Variants in SANBR observed in about 807,000 individuals in gnomAD.
SANBR encodes SANT and BTB domain regulator of CSR.
SANBR carries 77 observed loss-of-function variants against 101.8 expected under a neutral mutation model. That is an observed-to-expected ratio of 0.76 (90% CI 0.63 to 0.91). The LOEUF (loss-of-function observed/expected upper bound fraction) is 0.91. SANBR is among the 40% of genes least tolerant of loss of function. The pLI is 0.00. For synonymous variants in SANBR, 279 were observed against 274.7 expected (o/e 1.02, Z -0.15); for missense variants, 875 against 853.0 (o/e 1.03, Z -0.32).
chr2:61,130,014 A>G (rs187193831), intron 20 of SANBR, among the ~76,000 whole-genome samples: 8 of 152,206 alleles, frequency 5.3e-5, no homozygotes, highest in Non-Finnish European at 8.8e-5. Context: ...ATATTTCTAT[A>G]TCTCTTTGGA....
intron 12 of SANBR, among the ~76,000 whole-genome samples, chr2:61,102,532 T>C (rs1683339296): frequency 6.6e-6 from 1 of 151,840 alleles, no homozygotes; most frequent in South Asian, 2.1e-4. Context: ...CCACAATGAC[T>C]AAATTTTTTT....
Position 61,123,758 on chromosome 2 carries a change from A to C in SANBR, c.*1596A>C. 1.0e-6 allele frequency: 1 copy of C among 985,556 alleles called. No homozygotes were observed. Among genetic ancestry groups the C allele is most frequent in the Non-Finnish European group, 1.2e-6 (1 of 829,924 alleles). The allele number at this position is 985,556 out of a possible 1,614,324, so 61.1% of individuals were successfully genotyped here. On this transcript the variant is annotated 3_prime_UTR_variant, in exon 22 of 22. Transcript: ENST00000402291. ...CCTGGGAGGCCTATACCACTGAATT[A>C]ATTTTTACAAACCAGAGTTTATCAG...
Position 61,077,177 on chromosome 2 carries a change from C to T in SANBR, c.670+19C>T. ...ACTTTAGGTAAAAAACAATCTGTTG[C>T]TTAATTTGTAGTGAAATTTGTGTGT... is the stretch of plus-strand genomic sequence containing the variant. On this transcript the variant is annotated intron_variant, in intron 6 of 21. Coordinates refer to ENST00000402291, the MANE Select transcript of SANBR (RefSeq NM_001129993.3). 6.5e-7 allele frequency: 1 copy of T among 1,528,754 alleles called. No individual in the cohort carries two copies. The highest frequency in any genetic ancestry group is 9.0e-7 in the Non-Finnish European group (1 of 1,105,696). The allele number at this position is 1,528,754 out of a possible 1,614,324, so 94.7% of individuals were successfully genotyped here. A position where few individuals can be genotyped will look rare whatever the true frequency, so the allele number is the denominator to read the frequency against.
chr2:61,106,455 C>A, intron 13 of SANBR, 108 bp from the exon 14 acceptor site: 5 of 592,210 alleles, frequency 8.4e-6, no homozygotes, highest in South Asian at 1.9e-5. Context: ...TACTCAGGAA[C>A]TGTATTTCTA....
At chr2:61,127,790 G>A (rs1201736275), downstream of SANBR, among the ~76,000 whole-genome samples, 5 of 152,256 alleles carry the variant, frequency 3.3e-5, no homozygotes, top group South Asian at 1.0e-3. Flanking sequence ...GGAGAGGAGA[G>A]AGAGAAAGGA....
Position 61,088,471 on chromosome 2 carries a change from G to T in SANBR, c.1088+3G>T. 1 of 1,575,644 alleles carries T rather than the reference G, an allele frequency of 6.3e-7. No individual in the cohort carries two copies. Among genetic ancestry groups the T allele is most frequent in the Non-Finnish European group, 8.7e-7 (1 of 1,154,218 alleles). On this transcript the variant is annotated splice_donor_region_variant and intron_variant, in intron 10 of 21. Coordinates refer to ENST00000402291, the MANE Select transcript of SANBR (RefSeq NM_001129993.3). The stretch of plus-strand genomic sequence containing the variant: ...AATATTGTCTATATTCACATAAGGT[G>T]TCGTGAAGATAAAATACATACATGT...
Position 61,074,433 on chromosome 2 carries a change from A to G in SANBR, c.431+882A>G, listed in dbSNP as rs185864916. 2.6e-3 allele frequency among the ~76,000 whole-genome samples: 390 copies of G among 152,286 alleles called. 1 individual carries two copies. Among genetic ancestry groups the G allele is most frequent in the Non-Finnish European group, 4.4e-3 (297 of 68,026 alleles). On this transcript the variant is annotated intron_variant, in intron 5 of 21. Coordinates refer to ENST00000402291, the MANE Select transcript of SANBR (RefSeq NM_001129993.3). ...GTCTTGGAGGTTTTCTTTTGAGACA[A>G]AGTCTCACGCTGTCACCCAAGCTGG...
In SANBR at chr2:61,092,584, T is replaced by C. The variant is rs138958672; in HGVS notation, c.1209T>C (p.Tyr403=). 1 of 1,578,978 alleles carries C rather than the reference T, an allele frequency of 6.3e-7. No homozygotes were observed. Among genetic ancestry groups the C allele is most frequent in the Non-Finnish European group, 8.6e-7 (1 of 1,168,314 alleles). ...ATTGGCTGACTTGTTCAAGATGTTA[T>C]CAGGTAAGATTTTTTTTTTTAAATA... ...TINWLTCSRC[Y]QAFLCIEFSH... The change falls in exon 11 of 22, where the codon TAT becomes TAC. Residue 403 remains tyrosine, a synonymous_variant. Transcript: ENST00000402291.
At chr2:61,104,326 C>T (rs566371709) in intron 13 of SANBR, among the ~76,000 whole-genome samples, 11 of 151,960 alleles carry the variant, frequency 7.2e-5, no homozygotes, top group Admixed American at 7.2e-4. Context: ...ACTAAAACTA[C>T]AAAAAATTAG....
chr2:61,121,146 A>G, intron 20 of SANBR, 39 bp from the exon 21 acceptor site: 6 of 1,355,076 alleles, frequency 4.4e-6, no homozygotes, highest in Non-Finnish European at 6.2e-6. Context: ...GCTTCTATTG[A>G]TTCTGTGAAG....
chr2:61,097,108 G>A (rs1271063858), intron 11 of SANBR, among the ~76,000 whole-genome samples: 1 of 152,100 alleles, frequency 6.6e-6, no homozygotes, highest in African/African-American at 2.4e-5. Flanking sequence ...GAGGCTAGAT[G>A]GCACCACTTC....
chr2:61,117,969 A>G, intron 19 of SANBR, 59 bp from the exon 20 acceptor site: 1 of 1,289,634 alleles, frequency 7.8e-7, no homozygotes, highest in Non-Finnish European at 1.1e-6. Context: ...CTTTTTGAGA[A>G]ATAAAAAGTT....
At position 61,071,657 on chromosome 2, in the gene SANBR, A is replaced by G; in HGVS notation, c.202A>G (p.Asn68Asp). 1 of 1,590,594 alleles carries G rather than the reference A, an allele frequency of 6.3e-7. No individual in the cohort carries two copies. The highest frequency in any genetic ancestry group is 8.5e-7 in the Non-Finnish European group (1 of 1,172,530). The change falls in exon 4 of 22, where the codon AAC (asparagine) becomes GAC (aspartate). Residue 68 changes from asparagine (N) to aspartate (D), a missense_variant. Transcript: ENST00000402291. ...GAGCAGTGGAAGCTCGCCTGTTGAC[A>G]ACCAGTATAATTCCCTAATGGCTGC... The part of the protein sequence containing the change: ...LKSSGSSPVD[N>D]QYNSLMAAGE...
At position 61,109,404 on chromosome 2, in the gene SANBR, C is replaced by T. The variant is rs1449674005; in HGVS notation, c.1744+108C>T. On this transcript the variant is annotated intron_variant, in intron 16 of 21. Transcript: ENST00000402291. The stretch of plus-strand genomic sequence containing the variant: ...TTGGTTTTATATAGAGAGTAGGTTG[C>T]AACATAGAAAAAAAATTGAAAGGAG... The T allele has an allele frequency of 7.6e-6, 4 of 525,196 alleles. No individual in the cohort carries two copies. In the East Asian group the frequency reaches 1.3e-4, roughly 17 times the overall value. 32.5% of individuals were successfully genotyped at this position (525,196 alleles called of 1,614,324 possible).
At chr2:61,111,470 G>A (rs1009088608) in intron 16 of SANBR, among the ~76,000 whole-genome samples, 9 of 152,090 alleles carry the variant, frequency 5.9e-5, no homozygotes, top group African/African-American at 1.7e-4. Flanking sequence ...TTAACATCTC[G>A]AATCCTCCAA....
intron 8 of SANBR, among the ~76,000 whole-genome samples, chr2:61,084,786 G>C (rs147146250): frequency 8.7e-4 from 133 of 152,240 alleles, no homozygotes; most frequent in Admixed American, 2.0e-3. Flanking sequence ...AAGGAGACCT[G>C]TTAAGAGGCT....
chr2:61,088,504 T>C lies in SANBR; in HGVS notation c.1088+36T>C, dbSNP rs769495749. 14 of 794,804 alleles carry C rather than the reference T, an allele frequency of 1.8e-5. No homozygotes were observed. The African/African-American group carries it at 2.4e-4, about 14-fold the overall frequency. The allele number at this position is 794,804 out of a possible 1,614,324, so 49.2% of individuals were successfully genotyped here. On this transcript the variant is annotated intron_variant, in intron 10 of 21. Transcript: ENST00000402291. ...GATAAAATACATACATGTATTTTTG[T>C]ATATATATATATATAGTTGTTGTTG...
At chr2:61,094,088 GT>G in intron 11 of SANBR, 3 of 983,530 alleles carry the variant, frequency 3.1e-6, no homozygotes, top group Non-Finnish European at 3.6e-6. Flanking sequence ...ATTTTAAACT[GT>G]TTAAGTTCCC....
At chr2:61,106,508 T>C in intron 13 of SANBR, 55 bp from the exon 14 acceptor site, 1 of 1,217,210 alleles carries the variant, frequency 8.2e-7, no homozygotes, top group Non-Finnish European at 1.2e-6. Context: ...GATATTCACA[T>C]TTAAATTTTT....
Sources: gnomAD v4.1 joint callset for allele counts (sites outside exome capture counted in the v4.1 genomes callset) on GRCh38, gnomAD v4.1.1 for gene constraint, MANE v1.5 for transcripts, NCBI Gene and HGNC (gene_info 2026-07-23, HGNC 2026-07-21) for gene names.